Variants in ATP6V0D1 observed in about 807,000 individuals in gnomAD.
ATP6V0D1 encodes ATPase H+ transporting V0 subunit d1, also known as V-type proton ATPase subunit d 1.
Under a neutral mutation model 39.0 loss-of-function variants are expected in ATP6V0D1, and 13 were observed. The observed-to-expected ratio is 0.33, with a 90% CI of 0.22 to 0.53. The LOEUF (loss-of-function observed/expected upper bound fraction) is 0.53, where lower values mean the gene tolerates loss of function less well. ATP6V0D1 is among the 20% of genes least tolerant of loss of function. ATP6V0D1 has a pLI of 0.94. For synonymous variants in ATP6V0D1, 191 were observed against 191.2 expected (o/e 1.00, Z 0.01); for missense variants, 272 against 470.9 (o/e 0.58, Z 3.91).
At chr16:67,464,260 G>C (rs952015390) in intron 1 of ATP6V0D1, among the ~76,000 whole-genome samples, 6 of 152,176 alleles carry the variant, frequency 3.9e-5, no homozygotes, top group African/African-American at 1.4e-4. Flanking sequence ...CTGAGTTGGG[G>C]GCCAGTTCAC....
chr16:67,477,947 GCATGAGCCAC>G (rs1252749161), intron 1 of ATP6V0D1, among the ~76,000 whole-genome samples: 1 of 152,182 alleles, frequency 6.6e-6, no homozygotes, highest in Non-Finnish European at 1.5e-5. Flanking sequence ...GGGATTACAG[GCATGAGCCAC>G]TGCGCCCTGT....
intron 1 of ATP6V0D1, chr16:67,455,189 AC>A (rs2041225661): frequency 6.6e-6 from 1 of 152,152 alleles, no homozygotes. Context: ...GACCACCTCC[AC>A]ACGCTGTCCT....
intron 1 of ATP6V0D1, among the ~76,000 whole-genome samples, chr16:67,464,829 G>A (rs547154198): frequency 6.6e-6 from 1 of 152,390 alleles, no homozygotes; most frequent in South Asian, 2.1e-4. Context: ...GGCAAGAGCT[G>A]GCCAGGAAAG....
intron 4 of ATP6V0D1, chr16:67,441,881 GCTTT>G (rs1478997764): frequency 6.6e-6 from 1 of 152,242 alleles, no homozygotes; most frequent in Non-Finnish European, 1.5e-5. Context: ...GCTAGAAGGG[GCTTT>G]CTGAGAAGAC....
chr16:67,460,919 TC>T (rs1377193306), intron 1 of ATP6V0D1, among the ~76,000 whole-genome samples: 1 of 152,158 alleles, frequency 6.6e-6, no homozygotes, highest in Non-Finnish European at 1.5e-5. Flanking sequence ...TGGGTTCAAA[TC>T]CTGTCTACAA....
At chr16:67,468,403 C>T (rs2041346934) in intron 1 of ATP6V0D1, among the ~76,000 whole-genome samples, 2 of 152,076 alleles carry the variant, frequency 1.3e-5, no homozygotes, top group South Asian at 4.1e-4. Flanking sequence ...GCCTGGGAAA[C>T]ATGGCAAAAC....
chr16:67,438,734 G>C, intron 7 of ATP6V0D1, 45 bp from the exon 8 acceptor site: 1 of 1,614,188 alleles, frequency 6.2e-7, no homozygotes, highest in Non-Finnish European at 8.5e-7. Flanking sequence ...CATGGCCACA[G>C]AGTCAGGTCT....
chr16:67,448,587 G>C (rs575814804), intron 2 of ATP6V0D1, among the ~76,000 whole-genome samples: 15 of 150,498 alleles, frequency 1.0e-4, no homozygotes, highest in Admixed American at 4.6e-4. Flanking sequence ...TTGAACCTGG[G>C]ATGCGGAGCT....
chr16:67,471,304 C>T (rs1257638712), intron 1 of ATP6V0D1, among the ~76,000 whole-genome samples: 2 of 152,180 alleles, frequency 1.3e-5, no homozygotes, highest in Non-Finnish European at 2.9e-5. Context: ...TCTCCTGCCT[C>T]ACCCTCCCAA....
At chr16:67,459,320 C>G (rs2041270509) in intron 1 of ATP6V0D1, 1 of 942,274 alleles carries the variant, frequency 1.1e-6, no homozygotes, top group Non-Finnish European at 1.3e-6. Flanking sequence ...CCTCCACAGG[C>G]CGGCCCTGTC....
At chr16:67,451,099 G>A (rs1403126411) in intron 2 of ATP6V0D1, among the ~76,000 whole-genome samples, 3 of 152,178 alleles carry the variant, frequency 2.0e-5, no homozygotes, top group East Asian at 3.8e-4. Context: ...GCAGAAAAAA[G>A]CTTGAGGCTG....
chr16:67,472,269 C>G (rs571911288), intron 1 of ATP6V0D1, among the ~76,000 whole-genome samples: 1 of 152,324 alleles, frequency 6.6e-6, no homozygotes, highest in Non-Finnish European at 1.5e-5. Context: ...GGAAAAACTT[C>G]AGGCTTGTGT....
At chr16:67,446,697 A>G (rs1266618249) in intron 2 of ATP6V0D1, among the ~76,000 whole-genome samples, 4 of 152,044 alleles carry the variant, frequency 2.6e-5, no homozygotes, top group African/African-American at 9.7e-5. Context: ...GCCACCCCGC[A>G]ATACTCTAAC....
chr16:67,470,854 C>T (rs1271677920), intron 1 of ATP6V0D1, among the ~76,000 whole-genome samples: 1 of 152,080 alleles, frequency 6.6e-6, no homozygotes, highest in African/African-American at 2.4e-5. Flanking sequence ...CCCTCTTCAC[C>T]CACATCTAAT....
chr16:67,471,655 C>CT (rs2041374173), intron 1 of ATP6V0D1, among the ~76,000 whole-genome samples: 1 of 151,862 alleles, frequency 6.6e-6, no homozygotes, highest in Admixed American at 6.6e-5. Context: ...GAGCAAGTTT[C>CT]TTTTTTAAAA....
chr16:67,481,056 C>A lies in ATP6V0D1; in HGVS notation c.31G>T (p.Val11Leu), dbSNP rs2041470908. Residue 11 changes from valine (V) to leucine (L), a missense_variant, in exon 1 of 8, where the codon GTG becomes TTG. By Grantham distance (32) the Val-to-Leu change is conservative. Transcript: ENST00000290949. MSFFPELYFN[V>L]DNGYLEGLVR... The stretch of plus-strand genomic sequence containing the variant: ...AGTCCCTCCAAGTAGCCATTGTCCA[C>A]GTTAAAGTAAAGCTCCGGGAAGAAC... 3 of 1,614,052 alleles carry A rather than the reference C, an allele frequency of 1.9e-6. No individual in the cohort carries two copies. The highest frequency in any genetic ancestry group is 2.5e-6 in the Non-Finnish European group (3 of 1,179,996).
At chr16:67,452,824 C>T (rs749196172) in intron 2 of ATP6V0D1, among the ~76,000 whole-genome samples, 7 of 152,228 alleles carry the variant, frequency 4.6e-5, no homozygotes, top group Non-Finnish European at 8.8e-5. Context: ...GCCTGCAGAT[C>T]CCAAGGTCCT....
intron 4 of ATP6V0D1, chr16:67,439,653 G>A (rs2041024441): frequency 4.6e-6 from 2 of 438,074 alleles, no homozygotes; most frequent in South Asian, 7.0e-5. Flanking sequence ...GCTCGCAGGG[G>A]TCCTCTGACT....
chr16:67,477,922 G>C (rs1020622443), intron 1 of ATP6V0D1, among the ~76,000 whole-genome samples: 3 of 152,144 alleles, frequency 2.0e-5, no homozygotes, highest in Non-Finnish European at 4.4e-5. Context: ...ACCCGTCTCA[G>C]CCTCCCAAAG....
Sources: allele counts gnomAD v4.1 joint callset (sites outside exome capture counted in the v4.1 genomes callset), GRCh38; gene constraint gnomAD v4.1.1; transcripts MANE v1.5; gene names NCBI Gene and HGNC (gene_info 2026-07-23, HGNC 2026-07-21).